The following RREB1 variants were observed in gnomAD, a reference collection of about 807,000 sequenced individuals.
The protein encoded by RREB1 is ras responsive element binding protein 1.
A neutral mutation model predicts 117.8 loss-of-function variants in RREB1; 27 were observed. The ratio of observed to expected loss-of-function variants is 0.23; its 90% CI spans 0.17 to 0.32. The LOEUF is 0.32. Ranked by LOEUF, RREB1 falls within the 10% of genes least tolerant of loss-of-function variation. The pLI is 1.00. For synonymous variants in RREB1, 1,298 were observed against 1,026.7 expected (o/e 1.26, Z -5.05); for missense variants, 2,577 against 2,378.2 (o/e 1.08, Z -1.74).
At chr6:7,185,092 G>T (rs1318913850) in intron 4 of RREB1, 1 of 152,108 alleles carries the variant, frequency 6.6e-6, no homozygotes, top group East Asian at 1.9e-4. Context: ...GGGCAGAGAA[G>T]GTATGACACC....
chr6:7,184,255 G>A (rs1006468644), intron 4 of RREB1, among the ~76,000 whole-genome samples: 2 of 151,304 alleles, frequency 1.3e-5, no homozygotes, highest in Admixed American at 6.6e-5. Context: ...TTTTCTAGTA[G>A]GTTCATTTTA....
chr6:7,131,320 A>G (rs895818446), intron 1 of RREB1, among the ~76,000 whole-genome samples: 1 of 152,170 alleles, frequency 6.6e-6, no homozygotes, highest in Admixed American at 6.5e-5. Flanking sequence ...CAACAGTCCT[A>G]TTAAATTGGT....
intron 10 of RREB1, among the ~76,000 whole-genome samples, chr6:7,238,131 A>G (rs1768460286): frequency 6.6e-6 from 1 of 152,220 alleles, no homozygotes; most frequent in African/African-American, 2.4e-5. Context: ...AGACTCAGAG[A>G]AGCAGCAGTG....
chr6:7,247,253 C>T, intron 12 of RREB1, 32 bp downstream of exon 12: 1 of 1,580,636 alleles, frequency 6.3e-7, no homozygotes, highest in Non-Finnish European at 8.6e-7. Context: ...CCCGGCCCAA[C>T]AAGAGGAGGC....
At chr6:7,133,601 C>G (rs962511548) in intron 1 of RREB1, among the ~76,000 whole-genome samples, 1 of 151,894 alleles carries the variant, frequency 6.6e-6, no homozygotes, top group Non-Finnish European at 1.5e-5. Flanking sequence ...ATTCATTGTA[C>G]ATAATAAGAA....
chr6:7,179,808 T>TC lies in RREB1; in HGVS notation c.-165-1315dup, dbSNP rs575606951. ...AGTTTGAAACACAGTTTTTTTTTTT[T>TC]CTTTTAATTTTAAAAAATCTTTTGT... On this transcript the variant is annotated intron_variant, in intron 2 of 12. Coordinates refer to ENST00000379938, the MANE Select transcript of RREB1 (RefSeq NM_001003699.4). Among the ~76,000 whole-genome samples, 682 of 152,048 alleles carry TC rather than the reference T, an allele frequency of 4.5e-3. 6 individuals are homozygous for TC. The highest frequency in any genetic ancestry group is 0.016 in the African/African-American group (645 of 41,436).
At chr6:7,120,460 A>C (rs1761627180) in intron 1 of RREB1, among the ~76,000 whole-genome samples, 1 of 152,096 alleles carries the variant, frequency 6.6e-6, no homozygotes, top group Admixed American at 6.5e-5. Context: ...TCTCAAAAAG[A>C]AAAAAAAGTA....
intron 6 of RREB1, among the ~76,000 whole-genome samples, chr6:7,196,913 A>C (rs1157358835): frequency 6.6e-6 from 1 of 152,194 alleles, no homozygotes. Flanking sequence ...AGTACAAAAC[A>C]TGTAGCACGG....
At chr6:7,151,642 G>C (rs1763128023) in intron 1 of RREB1, among the ~76,000 whole-genome samples, 1 of 152,218 alleles carries the variant, frequency 6.6e-6, no homozygotes, top group Non-Finnish European at 1.5e-5. Flanking sequence ...GCTTAAAGGG[G>C]AGGTAACATT....
chr6:7,189,944 A>G (rs939447874), intron 6 of RREB1, among the ~76,000 whole-genome samples: 1 of 152,186 alleles, frequency 6.6e-6, no homozygotes, highest in Non-Finnish European at 1.5e-5. Context: ...CTGATCATAC[A>G]TGTTTTGAGG....
At chr6:7,200,982 C>T (rs998137315) in intron 6 of RREB1, among the ~76,000 whole-genome samples, 47 of 152,162 alleles carry the variant, frequency 3.1e-4, no homozygotes, top group African/African-American at 1.1e-3. Flanking sequence ...CTCAGTCTTA[C>T]CGGGTAAAAC....
At position 7,224,619 on chromosome 6, in the gene RREB1, G is replaced by A. The variant is rs573529118; in HGVS notation, c.708-1848G>A. Among the ~76,000 whole-genome samples, 26 of 152,296 alleles carry A rather than the reference G, an allele frequency of 1.7e-4. No homozygotes were observed. In the South Asian group the frequency reaches 5.2e-3, roughly 30 times the overall value. ...TCTCTGTGTGCACAGCTCAGAGCTTGAACGTATTTCAGCCAGAAAGAACCT... is the reference window on the plus strand; with the variant it reads ...TCTCTGTGTGCACAGCTCAGAGCTTAAACGTATTTCAGCCAGAAAGAACCT... On this transcript the variant is annotated intron_variant, in intron 8 of 12. Coordinates refer to ENST00000379938, the MANE Select transcript of RREB1 (RefSeq NM_001003699.4).
At chr6:7,227,318 G>C (rs574660296) in intron 9 of RREB1, among the ~76,000 whole-genome samples, 2 of 151,604 alleles carry the variant, frequency 1.3e-5, no homozygotes, top group Admixed American at 1.3e-4. Flanking sequence ...CAAGGCAGTC[G>C]GATCATGAGG....
rs1767767231 is a variant in RREB1 at position 7,229,259 on chromosome 6, A to G, written c.1160A>G (p.Asp387Gly). 3 of 1,613,970 alleles carry G rather than the reference A, an allele frequency of 1.9e-6. No homozygotes were observed. Among genetic ancestry groups the G allele is most frequent in the East Asian group, 2.2e-5 (1 of 44,878 alleles). ...PAPAEEPLPD[D>G]NQAIQLQTLK... ...CCCGCCGAGGAGCCCCTGCCGGATG[A>G]CAACCAGGCAATTCAGCTCCAGACA... is the stretch of plus-strand genomic sequence containing the variant. The change falls in exon 10 of 13, where the codon GAC becomes GGC. Residue 387 changes from aspartate (D) to glycine (G), a missense_variant. Asp to Gly is a moderately conservative substitution (Grantham distance 94). Coordinates refer to ENST00000379938, the MANE Select transcript of RREB1 (RefSeq NM_001003699.4). The surrounding 1 kb of genome is among the most constrained non-coding windows in gnomAD (Gnocchi z 4.5).
At chr6:7,246,338 G>A (rs1028178839) in intron 11 of RREB1, 86 bp from the exon 12 acceptor site, 3 of 1,245,866 alleles carry the variant, frequency 2.4e-6, no homozygotes, top group African/African-American at 3.1e-5. Flanking sequence ...TGCTGGCGTG[G>A]GTCTAGCCCA....
intron 11 of RREB1, among the ~76,000 whole-genome samples, chr6:7,245,101 T>C (rs1768925337): frequency 6.6e-6 from 1 of 152,148 alleles, no homozygotes. Flanking sequence ...CCTGCAGTAA[T>C]AAATCAGACA....
rs751970433 is a variant in RREB1, at chr6:7,230,833, G to A, written c.2734G>A (p.Val912Met). Residue 912 changes from valine (V) to methionine (M), a missense_variant, in exon 10 of 13, where the codon GTG becomes ATG. Val to Met is a conservative substitution (Grantham distance 21). Coordinates refer to ENST00000379938, the MANE Select transcript of RREB1 (RefSeq NM_001003699.4). ...FSQKGLALVQ[V>M]KQENISFLSP... ...GCAGAAGGGCCTGGCCCTGGTCCAA[G>A]TGAAGCAGGAAAACATCTCCTTTCT... 1.9e-6 allele frequency: 3 copies of A among 1,614,264 alleles called. No individual in the cohort carries two copies. Among genetic ancestry groups the A allele is most frequent in the Middle Eastern group, 1.6e-4 (1 of 6,062 alleles).
chr6:7,145,849 G>A (rs1243686892), intron 1 of RREB1, among the ~76,000 whole-genome samples: 2 of 151,634 alleles, frequency 1.3e-5, no homozygotes, highest in African/African-American at 4.9e-5. Context: ...CTGCCCCTAT[G>A]CCTGTGGGGA....
Position 7,250,907 on chromosome 6 carries a change from C to T in RREB1, c.*1939C>T, listed in dbSNP as rs940287960. The T allele has an allele frequency of 4.6e-5, 7 of 152,124 alleles. No individual in the cohort carries two copies. Among genetic ancestry groups the T allele is most frequent in the African/African-American group, 1.7e-4 (7 of 41,416 alleles). 9.4% of individuals were successfully genotyped at this position (152,124 alleles called of 1,614,324 possible). A position where few individuals can be genotyped will look rare whatever the true frequency, so the allele number is the denominator to read the frequency against. On this transcript the variant is annotated 3_prime_UTR_variant, in exon 13 of 13. Coordinates refer to ENST00000379938, the MANE Select transcript of RREB1 (RefSeq NM_001003699.4). Reference sequence around the variant, plus strand: ...ATTTACTGTAGAGATGAATGCAAATCAGAACCAATGATCCCTTGGCCTACT... The same window carrying T: ...ATTTACTGTAGAGATGAATGCAAATTAGAACCAATGATCCCTTGGCCTACT...
Sources: allele counts gnomAD v4.1 joint callset (sites outside exome capture counted in the v4.1 genomes callset), GRCh38; gene constraint gnomAD v4.1.1; non-coding constraint Gnocchi (gnomAD v3.1); transcripts MANE v1.5; gene names NCBI Gene and HGNC (gene_info 2026-07-23, HGNC 2026-07-21).